Variants in ASCC3 observed in about 807,000 individuals in gnomAD.
The protein encoded by ASCC3 is ASC-1 complex subunit P200.
ASCC3 carries 158 observed loss-of-function variants against 256.3 expected under a neutral mutation model. The observed-to-expected ratio is 0.62, with a 90% CI of 0.54 to 0.70. ASCC3 has a LOEUF of 0.70. Ranked by LOEUF, ASCC3 falls within the 30% of genes least tolerant of loss-of-function variation. ASCC3 has a pLI of 0.00. For synonymous variants in ASCC3, 948 were observed against 883.4 expected (o/e 1.07, Z -1.30); for missense variants, 2,259 against 2,626.0 (o/e 0.86, Z 3.05).
Position 100,627,632 on chromosome 6 carries a change from A to C in ASCC3, c.4600T>G (p.Tyr1534Asp). ...VHIQGFPGQH[Y>D]CPRMASMNKP... ...TTCATACTAGCCATACGAGGACAGT[A>C]ATGTTGACCTGGAAAGCCTTGAATG... The change falls in exon 29 of 42, where the codon TAC becomes GAC. Residue 1534 changes from tyrosine to aspartate, a missense_variant. This residue lies in a region of ASCC3 where 1,839 missense variants were observed against 2,206.7 expected (regional missense o/e 0.83). Transcript: ENST00000369162. 6.2e-7 allele frequency: 1 copy of C among 1,613,626 alleles called. No individual in the cohort carries two copies. Among genetic ancestry groups the C allele is most frequent in the Non-Finnish European group, 8.5e-7 (1 of 1,179,738 alleles).
intron 10 of ASCC3, among the ~76,000 whole-genome samples, chr6:100,757,318 C>T (rs1462160947): frequency 7.2e-5 from 11 of 151,858 alleles, no homozygotes. Context: ...CAAGACAACA[C>T]TAGAATTGAG....
At chr6:100,778,558 T>C (rs1782298691) in intron 8 of ASCC3, among the ~76,000 whole-genome samples, 1 of 152,140 alleles carries the variant, frequency 6.6e-6, no homozygotes, top group Non-Finnish European at 1.5e-5. Context: ...GTATTTGTGG[T>C]CAATGGAATT....
At chr6:100,825,276 T>C (rs1265629117) in intron 4 of ASCC3, among the ~76,000 whole-genome samples, 1 of 140,474 alleles carries the variant, frequency 7.1e-6, no homozygotes, top group Non-Finnish European at 1.5e-5. Flanking sequence ...TTTTGTGATT[T>C]TTTTTTTTTT....
chr6:100,840,238 A>G (rs1023921966), intron 4 of ASCC3, among the ~76,000 whole-genome samples: 37 of 152,202 alleles, frequency 2.4e-4, no homozygotes, highest in African/African-American at 8.2e-4. Context: ...TCTCCACCCA[A>G]AACCAGTGAG....
rs186634497 is a variant in ASCC3, at chr6:100,555,580, C to T, written c.5551-15193G>A. On this transcript the variant is annotated intron_variant, in intron 36 of 41. Transcript: ENST00000369162. ...TAAAATAATTCAAGTGGTAAGAATT[C>T]CATCAGGAACATCTATTTCCCAGGA... is the stretch of plus-strand genomic sequence containing the variant. 3.9e-3 allele frequency among the ~76,000 whole-genome samples: 593 copies of T among 152,168 alleles called. 4 individuals are homozygous for T. The highest frequency in any genetic ancestry group is 0.014 in the African/African-American group (576 of 41,524).
intron 36 of ASCC3, 25 bp downstream of exon 36, chr6:100,589,609 G>T (rs1198059700): frequency 6.2e-7 from 1 of 1,612,168 alleles, no homozygotes; most frequent in Admixed American, 1.7e-5. Flanking sequence ...TAAAAGAGAA[G>T]ATATGAAATA....
At chr6:100,591,181 T>C (rs932071826) in intron 34 of ASCC3, among the ~76,000 whole-genome samples, 2 of 152,066 alleles carry the variant, frequency 1.3e-5, no homozygotes, top group Admixed American at 1.3e-4. Context: ...AAACAAAATG[T>C]TCAAATTTAT....
chr6:100,792,445 T>C (rs1769393481), intron 8 of ASCC3, among the ~76,000 whole-genome samples: 1 of 151,918 alleles, frequency 6.6e-6, no homozygotes, highest in African/African-American at 2.4e-5. Context: ...AAGACTGAAG[T>C]GCTTGATATC....
intron 1 of ASCC3, among the ~76,000 whole-genome samples, chr6:100,869,832 A>G (rs1773648807): frequency 6.6e-6 from 1 of 152,126 alleles, no homozygotes; most frequent in Non-Finnish European, 1.5e-5. Flanking sequence ...AAACAACCAA[A>G]CGTAGCTGGT....
At chr6:100,519,793 G>T (rs1392968) in intron 37 of ASCC3, among the ~76,000 whole-genome samples, 1 of 152,108 alleles carries the variant, frequency 6.6e-6, no homozygotes, top group Non-Finnish European at 1.5e-5. Flanking sequence ...TCATGATGAA[G>T]TTGAAAGATT....
intron 36 of ASCC3, among the ~76,000 whole-genome samples, chr6:100,577,913 G>A (rs1770962075): frequency 1.3e-5 from 2 of 152,104 alleles, no homozygotes; most frequent in Middle Eastern, 3.4e-3. Flanking sequence ...CAACGAAATT[G>A]AGTATGAAAA....
In ASCC3 at chr6:100,655,719, T is replaced by C; in HGVS notation, c.2803A>G (p.Ile935Val). ...RMRANPLAYGISHKAYQIDPT... is the reference protein window; with the variant it reads ...RMRANPLAYGVSHKAYQIDPT... ...TCTACCTGATAAGCCTTGTGACTGA[T>C]GCCATATGCTAATGGATTTGCTCTC... is the stretch of plus-strand genomic sequence containing the variant. Residue 935 changes from isoleucine (I) to valine (V), a missense_variant, in exon 17 of 42, where the codon ATC becomes GTC. Ile to Val is a conservative substitution (Grantham distance 29). Around this residue, in one of 2 missense-constraint regions of ASCC3, gnomAD observed 1,839 missense variants for 2,206.7 expected, o/e 0.83. Coordinates refer to ENST00000369162, the MANE Select transcript of ASCC3 (RefSeq NM_006828.4). The C allele has an allele frequency of 1.9e-6, 3 of 1,611,396 alleles. No individual in the cohort carries two copies. The highest frequency in any genetic ancestry group is 2.5e-6 in the Non-Finnish European group (3 of 1,179,020).
chr6:100,592,334 G>A (rs1418030464), intron 34 of ASCC3, among the ~76,000 whole-genome samples: 1 of 151,120 alleles, frequency 6.6e-6, no homozygotes, highest in African/African-American at 2.4e-5. Context: ...CATTCTTATT[G>A]ACTTGCATAA....
At chr6:100,532,750 G>A (rs578013744) in intron 37 of ASCC3, among the ~76,000 whole-genome samples, 1 of 152,110 alleles carries the variant, frequency 6.6e-6, no homozygotes, top group Admixed American at 6.5e-5. Context: ...TTTTGAAATA[G>A]ACTAGAAAGC....
intron 4 of ASCC3, among the ~76,000 whole-genome samples, chr6:100,841,564 T>C (rs1315149380): frequency 6.6e-6 from 1 of 152,074 alleles, no homozygotes; most frequent in Non-Finnish European, 1.5e-5. Flanking sequence ...GTGTGACATC[T>C]TTGAAGATGA....
At chr6:100,711,631 G>T (rs1489733955) in intron 13 of ASCC3, among the ~76,000 whole-genome samples, 1 of 152,172 alleles carries the variant, frequency 6.6e-6, no homozygotes, top group African/African-American at 2.4e-5. Context: ...TTGGGAGGCT[G>T]AAGTAAGAGA....
intron 4 of ASCC3, among the ~76,000 whole-genome samples, chr6:100,828,877 T>C (rs1223188484): frequency 6.6e-6 from 1 of 152,078 alleles, no homozygotes. Context: ...TCCAGCAGCC[T>C]GCTTTTATTC....
intron 4 of ASCC3, among the ~76,000 whole-genome samples, chr6:100,812,361 A>G (rs1188603619): frequency 6.6e-6 from 1 of 152,194 alleles, no homozygotes; most frequent in African/African-American, 2.4e-5. Flanking sequence ...CATGTCAAAT[A>G]TAATAGAAAA....
chr6:100,655,192 C>G (rs2114919191), intron 17 of ASCC3, among the ~76,000 whole-genome samples: 1 of 152,046 alleles, frequency 6.6e-6, no homozygotes, highest in South Asian at 2.1e-4. Flanking sequence ...CTATCAAATG[C>G]ATCTAATTCT....
Sources: gnomAD v4.1 joint callset for allele counts (sites outside exome capture counted in the v4.1 genomes callset) on GRCh38, gnomAD v4.1.1 for gene constraint, gnomAD v4.1.1 regional missense constraint, MANE v1.5 for transcripts, NCBI Gene and HGNC (gene_info 2026-07-23, HGNC 2026-07-21) for gene names.